Variants in SERPINB8 observed in about 807,000 individuals in gnomAD.
SERPINB8 encodes the protein serpin family B member 8, also known as serpin B8.
Under a neutral mutation model 35.3 loss-of-function variants are expected in SERPINB8, and 25 were observed. The ratio of observed to expected loss-of-function variants is 0.71; its 90% CI spans 0.52 to 0.99. SERPINB8 has a LOEUF of 0.99. Ranked by LOEUF, SERPINB8 falls within the 50% of genes least tolerant of loss-of-function variation. The pLI is 0.00. For synonymous variants in SERPINB8, 186 were observed against 160.8 expected, an observed-to-expected ratio of 1.16 and a Z score of -1.19; for missense variants, 484 against 446.5, an observed-to-expected ratio of 1.08 and a Z score of -0.76.
intron 7 of SERPINB8, among the ~76,000 whole-genome samples, chr18:64,016,531 G>A (rs1156804366): frequency 6.6e-6 from 1 of 152,122 alleles, no homozygotes; most frequent in Non-Finnish European, 1.5e-5. Context: ...TCTAAGGGAA[G>A]TCAGTGATTA....
chr18:63,986,993 G>T lies in SERPINB8; in HGVS notation c.840G>T (p.Glu280Asp), dbSNP rs749935893. The change falls in exon 7 of 7, where the codon GAG becomes GAT. Residue 280 changes from glutamate to aspartate, a missense_variant. Physicochemically the swap from Glu to Asp is conservative, Grantham distance 45. Transcript: ENST00000397985. ...RLKLEESYDL[E>D]PFLRRLGMID... ...AGCTGGAGGAGAGTTATGACTTGGAGCCTTTCCTTCGAAGATTAGGAATGA... is the reference window on the plus strand; with the variant it reads ...AGCTGGAGGAGAGTTATGACTTGGATCCTTTCCTTCGAAGATTAGGAATGA... The T allele has an allele frequency of 1.6e-5, 26 of 1,614,210 alleles. No homozygotes were observed. Among genetic ancestry groups the T allele is most frequent in the Non-Finnish European group, 2.2e-5 (26 of 1,180,034 alleles).
downstream of SERPINB8, among the ~76,000 whole-genome samples, chr18:64,007,395 G>A (rs1310921137): frequency 2.6e-5 from 4 of 152,066 alleles, no homozygotes; most frequent in African/African-American, 4.8e-5. Context: ...TTCAGCAAAC[G>A]AAAAGAAAGA....
intron 1 of SERPINB8, among the ~76,000 whole-genome samples, chr18:63,971,279 A>G (rs2144778860): frequency 6.6e-6 from 1 of 152,284 alleles, no homozygotes; most frequent in South Asian, 2.1e-4. Context: ...TGTTCTGTGT[A>G]GTTTCATCCA....
At chr18:63,984,611 C>T (rs2050722311) in intron 5 of SERPINB8, among the ~76,000 whole-genome samples, 1 of 152,188 alleles carries the variant, frequency 6.6e-6, no homozygotes, top group Non-Finnish European at 1.5e-5. Flanking sequence ...AACAGCAGAC[C>T]TTACACATCT....
intron 7 of SERPINB8, among the ~76,000 whole-genome samples, chr18:64,015,556 A>G (rs1177214230): frequency 6.6e-6 from 1 of 152,200 alleles, no homozygotes; most frequent in South Asian, 2.1e-4. Context: ...CTTATTTCAA[A>G]GATGACTTTC....
chr18:64,017,405 T>A (rs1599174825), intron 7 of SERPINB8, among the ~76,000 whole-genome samples: 1 of 152,316 alleles, frequency 6.6e-6, no homozygotes, highest in East Asian at 1.9e-4. Context: ...TTTTATTGTA[T>A]TCCATCAAGG....
chr18:64,004,507 C>T (rs572633502), intron 1 of SERPINB8, among the ~76,000 whole-genome samples: 1 of 152,210 alleles, frequency 6.6e-6, no homozygotes, highest in South Asian at 2.1e-4. Flanking sequence ...TGTGGTTATT[C>T]ATGGTTTGGC....
At chr18:64,007,080 T>G (rs1174180944), downstream of SERPINB8, among the ~76,000 whole-genome samples, 5 of 151,364 alleles carry the variant, frequency 3.3e-5, no homozygotes, top group African/African-American at 1.2e-4. Flanking sequence ...CCAGAAAGAT[T>G]AACTGCAATG....
chr18:63,979,222 T>C (rs2050630919), intron 2 of SERPINB8, among the ~76,000 whole-genome samples: 1 of 152,226 alleles, frequency 6.6e-6, no homozygotes, highest in South Asian at 2.1e-4. Flanking sequence ...TCGAGAGATA[T>C]AGGAATAACC....
chr18:64,001,356 G>A (rs533088633), intron 1 of SERPINB8, among the ~76,000 whole-genome samples: 101 of 152,288 alleles, frequency 6.6e-4, no homozygotes, highest in African/African-American at 2.4e-3. Context: ...TTTTTAGTAT[G>A]TGAATTATAT....
At chr18:64,010,857 G>A (rs898717075) in intron 7 of SERPINB8, among the ~76,000 whole-genome samples, 6 of 151,936 alleles carry the variant, frequency 3.9e-5, no homozygotes, top group Non-Finnish European at 8.8e-5. Flanking sequence ...TGATCCATTA[G>A]ATCAATAAGA....
At chr18:64,011,371 G>A (rs993038924) in intron 7 of SERPINB8, among the ~76,000 whole-genome samples, 1 of 151,986 alleles carries the variant, frequency 6.6e-6, no homozygotes, top group African/African-American at 2.4e-5. Context: ...TATAGAAAAG[G>A]GTATGATTCA....
chr18:64,011,370 G>A (rs774815206), intron 7 of SERPINB8, among the ~76,000 whole-genome samples: 6 of 152,094 alleles, frequency 3.9e-5, no homozygotes, highest in Non-Finnish European at 8.8e-5. Flanking sequence ...GTATAGAAAA[G>A]GGTATGATTC....
intron 1 of SERPINB8, among the ~76,000 whole-genome samples, chr18:63,975,298 A>G (rs2050563740): frequency 6.6e-6 from 1 of 152,054 alleles, no homozygotes; most frequent in Admixed American, 6.6e-5. Context: ...GCCCAGTTCT[A>G]TGAAGTCTGA....
chr18:63,993,999 C>G (rs1029279969), downstream of SERPINB8, among the ~76,000 whole-genome samples: 3 of 152,278 alleles, frequency 2.0e-5, no homozygotes, highest in Middle Eastern at 3.4e-3. Context: ...AAGACACTCT[C>G]TTGCACTCAA....
At chr18:63,998,401 C>T (rs987032778) in intron 1 of SERPINB8, among the ~76,000 whole-genome samples, 3 of 152,162 alleles carry the variant, frequency 2.0e-5, no homozygotes, top group African/African-American at 7.2e-5. Flanking sequence ...AATTATGAGG[C>T]ATGATGGATT....
At chr18:63,982,487 A>G (rs1263164056) in intron 4 of SERPINB8, among the ~76,000 whole-genome samples, 4 of 152,190 alleles carry the variant, frequency 2.6e-5, no homozygotes, top group Admixed American at 6.5e-5. Context: ...CGATACTTGT[A>G]AACGGTGGAG....
chr18:63,987,056 A>T lies in SERPINB8; in HGVS notation c.903A>T (p.Gly301=). ...AFDEAKADFS[G]MSTEKNVPLS... is the part of the protein sequence containing the mutation. The stretch of plus-strand genomic sequence containing the variant: ...ACGAAGCCAAGGCAGACTTTTCTGG[A>T]ATGTCAACTGAGAAGAATGTGCCTC... Residue 301 remains glycine, a synonymous_variant, in exon 7 of 7, where the codon GGA becomes GGT. Coordinates refer to ENST00000397985, the MANE Select transcript of SERPINB8 (RefSeq NM_002640.4). 1 of 1,614,186 alleles carries T rather than the reference A, an allele frequency of 6.2e-7. No individual in the cohort carries two copies. The highest frequency in any genetic ancestry group is 8.5e-7 in the Non-Finnish European group (1 of 1,180,032).
At position 64,003,074 on chromosome 18, in the gene SERPINB8, C is replaced by T. The variant is rs116284036; in HGVS notation, c.71-1745C>T. Among the ~76,000 whole-genome samples the T allele has an allele frequency of 1.2e-3, 189 of 152,330 alleles. 1 individual carries two copies. The highest frequency in any genetic ancestry group is 4.5e-3 in the African/African-American group (187 of 41,572). On this transcript the variant is annotated intron_variant, in intron 1 of 1. Transcript: ENST00000493661. ...CTTCTCAGGCACCTGCCTACTGACACCTGGCCTCAGTCTTCTCAGGAAAGG... is the reference window on the plus strand; with the variant it reads ...CTTCTCAGGCACCTGCCTACTGACATCTGGCCTCAGTCTTCTCAGGAAAGG...
Sources: gnomAD v4.1 joint callset for allele counts (sites outside exome capture counted in the v4.1 genomes callset) on GRCh38, gnomAD v4.1.1 for gene constraint, MANE v1.5 for transcripts, NCBI Gene and HGNC (gene_info 2026-07-23, HGNC 2026-07-21) for gene names.